LUZP2: variants seen among roughly 807,000 people sequenced by gnomAD.
The protein encoded by LUZP2 is leucine zipper protein 2.
In LUZP2, 52 loss-of-function variants were observed where a neutral mutation model predicts 51.6. The observed-to-expected ratio is 1.01, with a 90% CI of 0.81 to 1.27. The LOEUF is 1.27. Among genes scored for constraint, LUZP2 ranks in the 50% most tolerant of loss-of-function variants. The pLI is 0.00. For missense variants in LUZP2, 436 were observed against 395.4 expected (o/e 1.10, Z -0.87); for synonymous variants, 154 against 137.3 (o/e 1.12, Z -0.85).
intron 1 of LUZP2, among the ~76,000 whole-genome samples, chr11:24,721,623 T>C (rs79132406): frequency 0.027 from 4,150 of 152,244 alleles, 198 homozygotes; most frequent in African/African-American, 0.094. Context: ...AAAAGGATTG[T>C]GCACTGAAAA....
intron 9 of LUZP2, among the ~76,000 whole-genome samples, chr11:24,996,285 C>T (rs543156053): frequency 4.0e-5 from 6 of 151,384 alleles, no homozygotes; most frequent in African/African-American, 1.4e-4. Context: ...TTCTCTCTCT[C>T]TCCCTGTTCA....
rs1324172315 is a variant in LUZP2, at chr11:24,969,258, A to C, written c.523-7333A>C. Among the ~76,000 whole-genome samples, 4 of 152,044 alleles carry C rather than the reference A, an allele frequency of 2.6e-5. No individual in the cohort carries two copies. The East Asian group carries it at 7.7e-4, about 29-fold the overall frequency. ...CTCCCACTTATAAGTGAGAACATGG[A>C]GTATTTGGTTTTCTGTTCCTGTGTT... On this transcript the variant is annotated intron_variant, in intron 7 of 11. Transcript: ENST00000336930.
At chr11:24,946,002 T>C (rs549779509) in intron 7 of LUZP2, among the ~76,000 whole-genome samples, 2 of 152,158 alleles carry the variant, frequency 1.3e-5, no homozygotes, top group East Asian at 3.9e-4. Flanking sequence ...AGGGAAAAGA[T>C]AGTCTAATTT....
intron 5 of LUZP2, among the ~76,000 whole-genome samples, chr11:24,838,740 G>A (rs892525824): frequency 1.3e-5 from 2 of 151,622 alleles, no homozygotes; most frequent in African/African-American, 4.8e-5. Flanking sequence ...ATAGTATCAT[G>A]AGATAGCATA....
chr11:24,790,579 G>T, intron 5 of LUZP2, among the ~76,000 whole-genome samples: 1 of 152,022 alleles, frequency 6.6e-6, no homozygotes, highest in African/African-American at 2.4e-5. Context: ...TCAGCTCACT[G>T]CAACCTCTGC....
At chr11:25,046,342 C>G (rs1347146501) in intron 9 of LUZP2, among the ~76,000 whole-genome samples, 1 of 151,834 alleles carries the variant, frequency 6.6e-6, no homozygotes, top group East Asian at 1.9e-4. Context: ...TGATTCAGTT[C>G]TAAACATAAT....
chr11:24,528,920 T>A (rs894347528), intron 1 of LUZP2, among the ~76,000 whole-genome samples: 3 of 151,174 alleles, frequency 2.0e-5, no homozygotes, highest in Non-Finnish European at 3.0e-5. Context: ...GAGTTTAGTA[T>A]TATACACATA....
At chr11:24,569,915 C>T (rs1852378782) in intron 1 of LUZP2, among the ~76,000 whole-genome samples, 1 of 151,658 alleles carries the variant, frequency 6.6e-6, no homozygotes, top group South Asian at 2.1e-4. Context: ...CAATGTTTTA[C>T]CGTATCCACA....
In LUZP2 at chr11:24,574,211, CCTTT is replaced by C. The variant is rs1169525307; in HGVS notation, c.62+76954_62+76957del. Among the ~76,000 whole-genome samples the C allele has an allele frequency of 9.5e-3, 58 of 6,082 alleles. 1 individual carries two copies. The highest frequency in any genetic ancestry group is 0.011 in the African/African-American group (53 of 4,990). 4.0% of individuals were successfully genotyped at this position (6,082 alleles called of 152,430 possible). On this transcript the variant is annotated intron_variant, in intron 1 of 11. Transcript: ENST00000336930. ...CTTTCTTTCTTTCTCTTTCTTCCTT[CCTTT>C]CTTTCTTTCTTTCTTTCTTTCTTTC...
chr11:24,712,962 C>T (rs140032446), intron 1 of LUZP2, among the ~76,000 whole-genome samples: 55 of 152,242 alleles, frequency 3.6e-4, no homozygotes, highest in African/African-American at 1.1e-3. Flanking sequence ...CCTCTAATGC[C>T]ACAATCTTTG....
At chr11:25,024,959 T>C (rs989250871) in intron 9 of LUZP2, among the ~76,000 whole-genome samples, 2 of 151,022 alleles carry the variant, frequency 1.3e-5, no homozygotes, top group Admixed American at 1.3e-4. Flanking sequence ...TATAGACCAA[T>C]GGAACAGAAC....
intron 1 of LUZP2, among the ~76,000 whole-genome samples, chr11:24,691,921 T>TTTA (rs1319876259): frequency 6.6e-6 from 1 of 152,010 alleles, no homozygotes; most frequent in Non-Finnish European, 1.5e-5. Context: ...CAAAGATTCA[T>TTTA]TTAGTAGATT....
chr11:24,984,488 A>T (rs2133916674), intron 9 of LUZP2, among the ~76,000 whole-genome samples: 1 of 137,464 alleles, frequency 7.3e-6, no homozygotes, highest in Non-Finnish European at 1.6e-5. Context: ...ACTATATTAT[A>T]TTATTGTCTG....
chr11:24,513,046 C>A (rs1027889284), intron 1 of LUZP2, among the ~76,000 whole-genome samples: 1 of 151,802 alleles, frequency 6.6e-6, no homozygotes, highest in South Asian at 2.1e-4. Flanking sequence ...GCGTGAGCCA[C>A]CGCGCCCAGC....
chr11:24,557,351 A>G (rs1009451311), intron 1 of LUZP2, among the ~76,000 whole-genome samples: 1 of 147,948 alleles, frequency 6.8e-6, no homozygotes, highest in African/African-American at 2.4e-5. Flanking sequence ...AATATATCCT[A>G]TTTAAGACCA....
At chr11:24,688,915 G>T (rs568408082) in intron 1 of LUZP2, among the ~76,000 whole-genome samples, 30 of 152,140 alleles carry the variant, frequency 2.0e-4, no homozygotes, top group Non-Finnish European at 4.1e-4. Context: ...TCTAGTTAAA[G>T]ATCTCAGCCC....
chr11:24,989,133 T>A (rs1856263816), intron 9 of LUZP2, among the ~76,000 whole-genome samples: 1 of 151,756 alleles, frequency 6.6e-6, no homozygotes, highest in Non-Finnish European at 1.5e-5. Context: ...AAAAACAACT[T>A]TGGCAAATGT....
chr11:24,796,543 G>A (rs1849550984), intron 5 of LUZP2, among the ~76,000 whole-genome samples: 1 of 143,962 alleles, frequency 6.9e-6, no homozygotes, highest in Admixed American at 7.0e-5. Flanking sequence ...GCCACAGCAA[G>A]GGATAGAGGA....
At chr11:24,923,923 T>C (rs1051826501) in intron 7 of LUZP2, among the ~76,000 whole-genome samples, 2 of 152,102 alleles carry the variant, frequency 1.3e-5, no homozygotes, top group Admixed American at 1.3e-4. Context: ...TTATCTTAAG[T>C]AAAAATGCAG....
Sources: allele counts gnomAD v4.1 joint callset (sites outside exome capture counted in the v4.1 genomes callset), GRCh38; gene constraint gnomAD v4.1.1; transcripts MANE v1.5; gene names NCBI Gene and HGNC (gene_info 2026-07-23, HGNC 2026-07-21).